Variants in DNAI3 observed in about 807,000 individuals in gnomAD.
DNAI3 encodes WD repeat domain 63.
In DNAI3, 83 loss-of-function variants were observed where a neutral mutation model predicts 115.5. The ratio of observed to expected loss-of-function variants is 0.72; its 90% CI spans 0.60 to 0.86. DNAI3 has a LOEUF of 0.86. Among genes scored for constraint, DNAI3 ranks in the 40% least tolerant of loss-of-function variants. DNAI3 has a pLI of 0.00. For synonymous variants in DNAI3, 320 were observed against 347.0 expected, an observed-to-expected ratio of 0.92 and a Z score of 0.86; for missense variants, 1,004 against 1,075.8, an observed-to-expected ratio of 0.93 and a Z score of 0.93.
intron 13 of DNAI3, chr1:85,099,215 C>T: frequency 1.0e-6 from 1 of 983,654 alleles, no homozygotes; most frequent in Non-Finnish European, 1.2e-6. Flanking sequence ...AATTTGGAAA[C>T]TGGCAAGTTC....
At chr1:85,123,324 G>C (rs969176090) in intron 18 of DNAI3, among the ~76,000 whole-genome samples, 9 of 152,022 alleles carry the variant, frequency 5.9e-5, no homozygotes, top group African/African-American at 2.2e-4. Context: ...AGACCTAAAG[G>C]ACTCATTACA....
chr1:85,117,610 A>G (rs6678615), intron 16 of DNAI3, 119 bp from the exon 17 acceptor site: 105,703 of 1,361,984 alleles, frequency 0.078, 5,397 homozygotes, highest in Admixed American at 0.19. Context: ...TATGCTCACT[A>G]CATTGGGAAG....
At chr1:85,066,639 T>C (rs1654110418) in intron 1 of DNAI3, among the ~76,000 whole-genome samples, 2 of 152,190 alleles carry the variant, frequency 1.3e-5, no homozygotes, top group South Asian at 4.1e-4. Flanking sequence ...CTTCTGCGAC[T>C]CTTAATAATT....
intron 1 of DNAI3, among the ~76,000 whole-genome samples, chr1:85,062,688 C>T (rs1194272301): frequency 6.6e-6 from 1 of 152,128 alleles, no homozygotes; most frequent in Non-Finnish European, 1.5e-5. Flanking sequence ...GAGCAGTTAA[C>T]GACACTCTAA....
chr1:85,096,498 TTATATATAA>T (rs1557716041), intron 11 of DNAI3, among the ~76,000 whole-genome samples: 1 of 140,358 alleles, frequency 7.1e-6, no homozygotes, highest in African/African-American at 2.6e-5. Flanking sequence ...TATATAAAGA[TTATATATAA>T]AGATTATATA....
At position 85,063,809 on chromosome 1, in the gene DNAI3, GAT is replaced by G. The variant is rs536580987; in HGVS notation, c.-15+1324_-15+1325del. 2.6e-5 allele frequency among the ~76,000 whole-genome samples: 4 copies of G among 152,130 alleles called. No individual in the cohort carries two copies. The South Asian group carries it at 8.3e-4, about 32-fold the overall frequency. On this transcript the variant is annotated intron_variant, in intron 1 of 22. Transcript: ENST00000294664. ...GCAGAGAGGCCAGTTAAGTGTCCAT[GAT>G]CTAGGGCAGAGGATTCAGGGAGGAG...
chr1:85,119,269 C>T (rs1326890600), intron 17 of DNAI3, among the ~76,000 whole-genome samples: 1 of 152,208 alleles, frequency 6.6e-6, no homozygotes, highest in African/African-American at 2.4e-5. Flanking sequence ...ACCATCACCA[C>T]CATCCATGTC....
At chr1:85,078,285 G>A (rs1654525741) in intron 3 of DNAI3, among the ~76,000 whole-genome samples, 1 of 152,186 alleles carries the variant, frequency 6.6e-6, no homozygotes, top group Admixed American at 6.5e-5. Flanking sequence ...AGTTTTCTCA[G>A]CTAAAAAATG....
chr1:85,094,642 T>C, intron 10 of DNAI3, 87 bp downstream of exon 10: 3 of 1,453,872 alleles, frequency 2.1e-6, no homozygotes, highest in Non-Finnish European at 2.8e-6. Context: ...CAAAGTACTT[T>C]ATAATCATGT....
chr1:85,119,133 G>C (rs541003177), intron 17 of DNAI3, among the ~76,000 whole-genome samples: 1 of 152,202 alleles, frequency 6.6e-6, no homozygotes, highest in South Asian at 2.1e-4. Flanking sequence ...TTTAATTGTG[G>C]TAAAATATAT....
Position 85,096,015 on chromosome 1 carries a change from G to T in DNAI3, c.1258G>T (p.Gly420Trp). ...PNIIAGGCIN[G>W]QIVMWDITAH... ...TATCATTGCTGGAGGCTGTATCAATGGGCAGGTACTTAACAGAATTTTTTT... is the reference window on the plus strand; with the variant it reads ...TATCATTGCTGGAGGCTGTATCAATTGGCAGGTACTTAACAGAATTTTTTT... The change falls in exon 11 of 23, where the codon GGG becomes TGG. Residue 420 changes from glycine (G) to tryptophan (W), a missense_variant. By Grantham distance (184) the Gly-to-Trp change is radical. This residue lies in a region of DNAI3 where 550 missense variants were observed against 568.1 expected (regional missense o/e 0.97). Transcript: ENST00000294664. 6.2e-7 allele frequency: 1 copy of T among 1,613,578 alleles called. No individual in the cohort carries two copies. Among genetic ancestry groups the T allele is most frequent in the South Asian group, 1.1e-5 (1 of 91,062 alleles).
At position 85,093,647 on chromosome 1, in the gene DNAI3, T is replaced by C. The variant is rs1313329169; in HGVS notation, c.1047T>C (p.Tyr349=). 1 of 1,613,812 alleles carries C rather than the reference T, an allele frequency of 6.2e-7. No homozygotes were observed. Among genetic ancestry groups the C allele is most frequent in the Admixed American group, 1.7e-5 (1 of 60,022 alleles). The part of the protein sequence containing the change: ...ITCVSWHPTI[Y]GLIAVSVAVR... ...GTGTCTCATGGCATCCAACTATCTA[T>C]GGTGAGATGGAAATGATGGGGATTC... The change falls in exon 9 of 23, where the codon TAT becomes TAC. Residue 349 remains tyrosine (Y), a splice_region_variant and synonymous_variant. Transcript: ENST00000294664.
rs1557731013 is a variant in DNAI3, at chr1:85,132,974, G to A, written c.2652G>A (p.Lys884=). Residue 884 remains lysine, a synonymous_variant, in exon 23 of 23, where the codon AAG becomes AAA. Transcript: ENST00000294664. ...TTGGCCTAATCAAAGTCACAGAGAAGGGGTCATACATGGAGGTGATGTAAA... is the reference window on the plus strand; with the variant it reads ...TTGGCCTAATCAAAGTCACAGAGAAAGGGTCATACATGGAGGTGATGTAAA... The part of the protein sequence containing the change: ...INLGLIKVTE[K]GSYMEVM 1 of 1,613,488 alleles carries A rather than the reference G, an allele frequency of 6.2e-7. No individual in the cohort carries two copies. Among genetic ancestry groups the A allele is most frequent in the African/African-American group, 1.3e-5 (1 of 74,986 alleles).
chr1:85,087,061 A>G (rs1427011810), intron 7 of DNAI3, among the ~76,000 whole-genome samples: 2 of 152,012 alleles, frequency 1.3e-5, no homozygotes, highest in Admixed American at 6.6e-5. Flanking sequence ...AGTCCTTTAC[A>G]TAGAATGCTC....
intron 16 of DNAI3, among the ~76,000 whole-genome samples, chr1:85,115,100 C>T (rs1395852577): frequency 1.3e-5 from 2 of 152,170 alleles, no homozygotes; most frequent in Non-Finnish European, 2.9e-5. Flanking sequence ...AATCCCAAAG[C>T]CACAATGTAT....
chr1:85,111,519 T>C (rs1484828469), intron 16 of DNAI3, among the ~76,000 whole-genome samples: 1 of 152,178 alleles, frequency 6.6e-6, no homozygotes, highest in Non-Finnish European at 1.5e-5. Flanking sequence ...GCCCCAGGGG[T>C]ACGATGGTGA....
chr1:85,122,347 G>A (rs1222184364), intron 18 of DNAI3, among the ~76,000 whole-genome samples: 1 of 152,060 alleles, frequency 6.6e-6, no homozygotes, highest in African/African-American at 2.4e-5. Flanking sequence ...CCAGGACCTG[G>A]GCCTCTGGAA....
chr1:85,128,824 A>G (rs1266204715), intron 21 of DNAI3, 25 bp downstream of exon 21: 2 of 1,579,860 alleles, frequency 1.3e-6, no homozygotes, highest in Non-Finnish European at 1.7e-6. Flanking sequence ...TATGACTTTG[A>G]GAATTAATGT....
intron 6 of DNAI3, 107 bp downstream of exon 6, chr1:85,084,802 T>A: frequency 8.7e-7 from 1 of 1,155,986 alleles, no homozygotes; most frequent in South Asian, 3.7e-5. Flanking sequence ...AGGCATAGTT[T>A]TTGGTGTGTT....
Sources: gnomAD v4.1 joint callset for allele counts (sites outside exome capture counted in the v4.1 genomes callset) on GRCh38, gnomAD v4.1.1 for gene constraint, gnomAD v4.1.1 regional missense constraint, MANE v1.5 for transcripts, NCBI Gene and HGNC (gene_info 2026-07-23, HGNC 2026-07-21) for gene names.